The following XCR1 variants were observed in gnomAD, a reference collection of about 807,000 sequenced individuals.
XCR1 encodes the protein chemokine XC receptor 1.
For synonymous variants in XCR1, 187 were observed against 188.5 expected (o/e 0.99, Z 0.06); for missense variants, 356 against 424.2 (o/e 0.84, Z 1.41).
Position 46,018,840 on chromosome 3 carries a change from G to A in XCR1, c.*2106C>T, listed in dbSNP as rs1294761274. 2.0e-5 allele frequency: 3 copies of A among 152,176 alleles called. No individual in the cohort carries two copies. The highest frequency in any genetic ancestry group is 7.2e-5 in the African/African-American group (3 of 41,430). The allele number at this position is 152,176 out of a possible 1,614,324, so 9.4% of individuals were successfully genotyped here. On this transcript the variant is annotated 3_prime_UTR_variant, in exon 2 of 2. Transcript: ENST00000309285. ...TAACAAGATATTGAGTGTCTTCTGT[G>A]TGCAAATCCCTGCTCAAGGGACTGT...
intron 1 of XCR1, among the ~76,000 whole-genome samples, chr3:46,081,694 CT>C (rs66818091): frequency 0.097 from 13,710 of 141,562 alleles, 976 homozygotes; most frequent in South Asian, 0.34. Flanking sequence ...TTCTTTTTTT[CT>C]TTTTTTTTTT....
chr3:46,057,882 G>GTCCATCTATCTATCTATCTA (rs1027471283), intron 4 of XCR1, among the ~76,000 whole-genome samples: 2 of 134,800 alleles, frequency 1.5e-5, no homozygotes, highest in African/African-American at 6.3e-5. Flanking sequence ...TTATCTGTCT[G>GTCCATCTATCTATCTATCTA]TCTATCTATC....
chr3:46,041,851 G>C (rs2125897786), intron 5 of XCR1, among the ~76,000 whole-genome samples: 1 of 152,260 alleles, frequency 6.6e-6, no homozygotes, highest in South Asian at 2.1e-4. Flanking sequence ...CTACTCCCTA[G>C]TTCCTGTTTT....
At chr3:46,065,873 G>A (rs950671816) in intron 4 of XCR1, among the ~76,000 whole-genome samples, 2 of 152,204 alleles carry the variant, frequency 1.3e-5, no homozygotes, top group African/African-American at 2.4e-5. Context: ...GACTAAACAG[G>A]CATTTGAGAA....
At chr3:46,025,291 T>C (rs771029556) in intron 1 of XCR1, among the ~76,000 whole-genome samples, 6 of 152,164 alleles carry the variant, frequency 3.9e-5, no homozygotes, top group Non-Finnish European at 8.8e-5. Context: ...ATAATTCCAA[T>C]GCTTTGAAAG....
At chr3:46,031,050 G>C (rs908206227), upstream of XCR1, among the ~76,000 whole-genome samples, 1 of 152,248 alleles carries the variant, frequency 6.6e-6, no homozygotes, top group African/African-American at 2.4e-5. Flanking sequence ...GGCTGGGGCT[G>C]CATGCTCCAC....
At chr3:46,053,469 C>A (rs993064624) in intron 5 of XCR1, among the ~76,000 whole-genome samples, 3 of 152,104 alleles carry the variant, frequency 2.0e-5, no homozygotes, top group Non-Finnish European at 4.4e-5. Flanking sequence ...TTTTTATCCT[C>A]CCTCTCCTGT....
chr3:46,038,030 G>GTTT (rs368953503), intron 5 of XCR1, among the ~76,000 whole-genome samples: 11 of 123,230 alleles, frequency 8.9e-5, no homozygotes, highest in African/African-American at 2.6e-4. Context: ...TTTGTTTTTT[G>GTTT]TTTTTTTTTT....
intron 2 of XCR1, among the ~76,000 whole-genome samples, chr3:46,075,347 CAAGA>C (rs1553635616): frequency 7.7e-6 from 1 of 129,060 alleles, no homozygotes; most frequent in Non-Finnish European, 1.6e-5. Flanking sequence ...AAATCAAAAC[CAAGA>C]AACCTCAATC....
chr3:46,071,759 T>C (rs1210242469), intron 3 of XCR1, among the ~76,000 whole-genome samples: 3 of 152,230 alleles, frequency 2.0e-5, no homozygotes, highest in Non-Finnish European at 4.4e-5. Context: ...AAATTCAGCA[T>C]CACCTCATGA....
intron 4 of XCR1, among the ~76,000 whole-genome samples, chr3:46,058,745 TG>T (rs1167810996): frequency 1.3e-5 from 2 of 152,206 alleles, no homozygotes; most frequent in South Asian, 4.1e-4. Flanking sequence ...CCTGTATTTT[TG>T]TAGAAACAGG....
rs1442595346 is a variant in XCR1 at position 46,021,145 on chromosome 3, G to A, written c.803C>T (p.Ala268Val). Residue 268 changes from alanine (A) to valine (V), a missense_variant, in exon 2 of 2, where the codon GCC becomes GTC. Coordinates refer to ENST00000309285, the MANE Select transcript of XCR1 (RefSeq NM_001024644.2). The surrounding 1 kb of genome is among the most constrained non-coding windows in gnomAD (Gnocchi z 4.7). ...GGCGAGGTTGCGGCAGATGAGCAGG[G>A]CGTATTCTAGCTGCTGTTTGGCCTC... ...SCEAKQQLEYALLICRNLAFS... is the reference protein window; with the variant it reads ...SCEAKQQLEYVLLICRNLAFS... 6.2e-7 allele frequency: 1 copy of A among 1,614,122 alleles called. No individual in the cohort carries two copies. Among genetic ancestry groups the A allele is most frequent in the Admixed American group, 1.7e-5 (1 of 60,012 alleles).
At chr3:46,082,777 A>G (rs138009748) in intron 1 of XCR1, among the ~76,000 whole-genome samples, 201 of 152,268 alleles carry the variant, frequency 1.3e-3, no homozygotes, top group Non-Finnish European at 2.3e-3. Flanking sequence ...GGCATTAGCC[A>G]CTGCACCTGG....
intron 5 of XCR1, among the ~76,000 whole-genome samples, chr3:46,043,114 T>C (rs981627996): frequency 6.6e-5 from 10 of 152,052 alleles, no homozygotes; most frequent in African/African-American, 2.4e-4. Flanking sequence ...CTTGACAAAA[T>C]TAAATACCCT....
intron 5 of XCR1, among the ~76,000 whole-genome samples, chr3:46,051,583 G>A (rs1257221872): frequency 6.6e-6 from 1 of 152,146 alleles, no homozygotes; most frequent in East Asian, 1.9e-4. Flanking sequence ...TATGGGTTGG[G>A]GTAGATAGAT....
intron 5 of XCR1, among the ~76,000 whole-genome samples, chr3:46,047,317 C>T (rs1437976469): frequency 3.9e-5 from 6 of 152,130 alleles, no homozygotes; most frequent in African/African-American, 7.2e-5. Context: ...GCCCAAGGCT[C>T]GGACAGATTA....
chr3:46,032,739 T>C (rs1708423233), intron 5 of XCR1, among the ~76,000 whole-genome samples: 1 of 152,256 alleles, frequency 6.6e-6, no homozygotes. Context: ...TGCACTTCCA[T>C]CATCAATGAA....
chr3:46,082,473 C>A (rs1698387126), intron 1 of XCR1, among the ~76,000 whole-genome samples: 1 of 130,314 alleles, frequency 7.7e-6, no homozygotes, highest in African/African-American at 3.0e-5. Flanking sequence ...TATAATCAGG[C>A]TCCTTTTTTT....
At chr3:46,057,270 A>G (rs1440923743) in intron 4 of XCR1, among the ~76,000 whole-genome samples, 2 of 152,142 alleles carry the variant, frequency 1.3e-5, no homozygotes, top group Admixed American at 6.5e-5. Flanking sequence ...GCTTGATTCC[A>G]TTTATGTAAA....
Sources: gnomAD v4.1 joint callset for allele counts (sites outside exome capture counted in the v4.1 genomes callset) on GRCh38, gnomAD v4.1.1 for gene constraint, Gnocchi (gnomAD v3.1) non-coding constraint, MANE v1.5 for transcripts, NCBI Gene and HGNC (gene_info 2026-07-23, HGNC 2026-07-21) for gene names.